The following TMCC1 variants were observed in gnomAD, a reference collection of about 807,000 sequenced individuals.
TMCC1 encodes transmembrane and coiled-coil domain family 1.
TMCC1 carries 15 observed loss-of-function variants against 52.4 expected under a neutral mutation model. That is an observed-to-expected ratio of 0.29 (90% CI 0.19 to 0.44). The LOEUF (loss-of-function observed/expected upper bound fraction) is 0.44. Among genes scored for constraint, TMCC1 ranks in the 20% least tolerant of loss-of-function variants. TMCC1 has a pLI of 1.00. For synonymous variants in TMCC1, 279 were observed against 301.9 expected (o/e 0.92, Z 0.79); for missense variants, 503 against 806.0 (o/e 0.62, Z 4.55).
At chr3:129,782,138 A>AG (rs2055585286) in intron 4 of TMCC1, among the ~76,000 whole-genome samples, 1 of 152,164 alleles carries the variant, frequency 6.6e-6, no homozygotes, top group Non-Finnish European at 1.5e-5. Flanking sequence ...CAGGCAGCTG[A>AG]GTTCTGTAGG....
intron 4 of TMCC1, among the ~76,000 whole-genome samples, chr3:129,806,761 AAAG>A (rs1167850643): frequency 2.0e-5 from 3 of 152,168 alleles, no homozygotes; most frequent in Admixed American, 2.0e-4. Flanking sequence ...ATGCTACAAA[AAAG>A]AAGCATTCAT....
At chr3:129,726,868 C>CAAAAAAAAAAAAAAAAAAAAAAAATAAAA (rs2050135187) in intron 4 of TMCC1, among the ~76,000 whole-genome samples, 1 of 12,816 alleles carries the variant, frequency 7.8e-5, no homozygotes, top group African/African-American at 2.2e-4. Flanking sequence ...GACTCTGTCT[C>CAAAAAAAAAAAAAAAAAAAAAAAATAAAA]AAAAAAAAAA....
chr3:129,859,595 C>T (rs1010134857), intron 2 of TMCC1, among the ~76,000 whole-genome samples: 2 of 152,026 alleles, frequency 1.3e-5, no homozygotes, highest in African/African-American at 4.8e-5. Flanking sequence ...CATGATCTCA[C>T]CACTGCACTC....
intron 2 of TMCC1, among the ~76,000 whole-genome samples, chr3:129,855,272 ATTAGTTTTTTGAGT>A (rs2060101239): frequency 6.7e-6 from 1 of 149,926 alleles, no homozygotes; most frequent in South Asian, 2.1e-4. Flanking sequence ...AAAACTATAA[ATTAGTTTTTTGAGT>A]TTTTCTTAAC....
intron 5 of TMCC1, among the ~76,000 whole-genome samples, chr3:129,664,017 G>A (rs1048366474): frequency 7.9e-5 from 12 of 152,168 alleles, no homozygotes; most frequent in Non-Finnish European, 1.8e-4. Context: ...CAAGGAATAA[G>A]GGTTAATTAA....
rs1396657931 is a variant in TMCC1 at position 129,685,244 on chromosome 3, G to A, written c.577-13980C>T. On this transcript the variant is annotated intron_variant, in intron 4 of 6. Transcript: ENST00000393238. ...AAAAGAAAAAAATTAGCCAGGTTTG[G>A]TGGGGTGAGTCTGTAGTCCCAGCTA... Among the ~76,000 whole-genome samples, 5 of 152,194 alleles carry A rather than the reference G, an allele frequency of 3.3e-5. No homozygotes were observed. In the East Asian group the frequency reaches 7.7e-4, roughly 24 times the overall value.
intron 4 of TMCC1, among the ~76,000 whole-genome samples, chr3:129,789,415 T>G (rs1160026376): frequency 3.3e-5 from 5 of 152,134 alleles, no homozygotes; most frequent in African/African-American, 1.2e-4. Context: ...AGGTAGAAAT[T>G]CAAAGGAAAC....
chr3:129,859,638 A>C (rs1445996779), intron 2 of TMCC1, among the ~76,000 whole-genome samples: 1 of 108,888 alleles, frequency 9.2e-6, no homozygotes, highest in South Asian at 3.5e-4. Context: ...CCCTGTCTCA[A>C]AACACACACA....
intron 4 of TMCC1, among the ~76,000 whole-genome samples, chr3:129,811,430 GT>G (rs1009148742): frequency 6.6e-6 from 1 of 151,332 alleles, no homozygotes; most frequent in African/African-American, 2.4e-5. Flanking sequence ...ACACCTGGCT[GT>G]TTTTTTTAAA....
rs373306349 is a variant in TMCC1 at position 129,799,258 on chromosome 3, ATTTC to A, written c.576+28541_576+28544del. Among the ~76,000 whole-genome samples the A allele has an allele frequency of 5.6e-4, 86 of 152,214 alleles. 1 individual carries two copies. In the East Asian group the frequency reaches 0.015, roughly 27 times the overall value. On this transcript the variant is annotated intron_variant, in intron 4 of 6. Coordinates refer to ENST00000393238, the MANE Select transcript of TMCC1 (RefSeq NM_001017395.5). Reference sequence around the variant, plus strand: ...ATATTAGCAATGTTTTGGGCTCCACATTTCTTTCTCCTAAAAAAACTTGTATCAT... The same window carrying A: ...ATATTAGCAATGTTTTGGGCTCCACATTTCTCCTAAAAAAACTTGTATCAT...
chr3:129,680,218 C>G (rs1047833991), intron 4 of TMCC1, among the ~76,000 whole-genome samples: 1 of 152,070 alleles, frequency 6.6e-6, no homozygotes, highest in Non-Finnish European at 1.5e-5. Flanking sequence ...CTTAGATAGA[C>G]AGACATTTTC....
At position 129,731,648 on chromosome 3, in the gene TMCC1, T is replaced by A. The variant is rs187372642; in HGVS notation, c.577-60384A>T. Among the ~76,000 whole-genome samples the A allele has an allele frequency of 9.8e-3, 1,485 of 151,810 alleles. 25 individuals carry two copies. Among genetic ancestry groups the A allele is most frequent in the African/African-American group, 0.034 (1,397 of 41,288 alleles). ...GGGAACTTCATCATTTTTTTTTTTT[T>A]AAACAGGCGTGAGCCACCGTGCCTG... On this transcript the variant is annotated intron_variant, in intron 4 of 6. Transcript: ENST00000393238.
chr3:129,720,604 C>T (rs556168383), intron 4 of TMCC1, among the ~76,000 whole-genome samples: 22 of 152,192 alleles, frequency 1.4e-4, no homozygotes, highest in Non-Finnish European at 1.5e-4. Context: ...TATAATGACA[C>T]GAGGCAAGAC....
At chr3:129,730,346 G>T (rs1309158541) in intron 4 of TMCC1, among the ~76,000 whole-genome samples, 1 of 152,012 alleles carries the variant, frequency 6.6e-6, no homozygotes, top group African/African-American at 2.4e-5. Flanking sequence ...TTTATATAAG[G>T]TGTGAGAAGT....
intron 4 of TMCC1, among the ~76,000 whole-genome samples, chr3:129,755,578 G>C (rs2052926189): frequency 6.6e-6 from 1 of 151,932 alleles, no homozygotes; most frequent in Non-Finnish European, 1.5e-5. Context: ...ATTTAAAATG[G>C]GCAAAAGATC....
Position 129,760,392 on chromosome 3 carries a change from C to T in TMCC1, c.576+67411G>A, listed in dbSNP as rs200442275. On this transcript the variant is annotated intron_variant, in intron 4 of 6. Coordinates refer to ENST00000393238, the MANE Select transcript of TMCC1 (RefSeq NM_001017395.5). The stretch of plus-strand genomic sequence containing the variant: ...CTGGGAACACAGCAGCGTGCTACCA[C>T]GCCAGGCTAGTGTGTGTGTGTGTGT... Among the ~76,000 whole-genome samples, 143 of 132,548 alleles carry T rather than the reference C, an allele frequency of 1.1e-3. 1 individual carries two copies. In the East Asian group the frequency reaches 0.026, roughly 24 times the overall value. 87.0% of individuals were successfully genotyped at this position (132,548 alleles called of 152,430 possible).
chr3:129,808,853 T>G (rs1483455562), intron 4 of TMCC1, among the ~76,000 whole-genome samples: 1 of 139,248 alleles, frequency 7.2e-6, no homozygotes, highest in Non-Finnish European at 1.6e-5. Flanking sequence ...AATATTTAGA[T>G]AAATTTCAGA....
Position 129,651,627 on chromosome 3 carries a change from T to C in TMCC1, c.1816A>G (p.Thr606Ala). The C allele has an allele frequency of 1.9e-6, 3 of 1,614,182 alleles. No individual in the cohort carries two copies. The highest frequency in any genetic ancestry group is 2.5e-6 in the Non-Finnish European group (3 of 1,180,030). Residue 606 changes from threonine to alanine, a missense_variant, in exon 7 of 7, where the codon ACT (threonine) becomes GCT (alanine). Around this residue, in one of 7 missense-constraint regions of TMCC1, gnomAD observed 50 missense variants for 62.6 expected, o/e 0.80. Coordinates refer to ENST00000393238, the MANE Select transcript of TMCC1 (RefSeq NM_001017395.5). The surrounding 1 kb of genome is among the most constrained non-coding windows in gnomAD (Gnocchi z 5.1). ...VMAVLLVFVS[T>A]VANCVVPLMK... is the part of the protein sequence containing the mutation. ...AGGGGGACCACACAGTTGGCTACAG[T>C]GGAGACAAAGACCAAAAGGACTGCC...
intron 4 of TMCC1, among the ~76,000 whole-genome samples, chr3:129,788,791 A>G (rs2056235593): frequency 6.6e-6 from 1 of 152,030 alleles, no homozygotes; most frequent in African/African-American, 2.4e-5. Flanking sequence ...ATTTCATGTA[A>G]CAGAAGAACA....
Sources: allele counts gnomAD v4.1 joint callset (sites outside exome capture counted in the v4.1 genomes callset), GRCh38; gene constraint gnomAD v4.1.1; regional missense constraint gnomAD v4.1.1; non-coding constraint Gnocchi (gnomAD v3.1); transcripts MANE v1.5; gene names NCBI Gene and HGNC (gene_info 2026-07-23, HGNC 2026-07-21).